Variants in PTER observed in about 807,000 individuals in gnomAD.
PTER encodes the protein N-acetyltaurine hydrolase.
A neutral mutation model predicts 29.6 loss-of-function variants in PTER; 38 were observed. That is an observed-to-expected ratio of 1.28 (90% confidence interval 0.99 to 1.68). The LOEUF (loss-of-function observed/expected upper bound fraction) is 1.68. PTER is among the 40% of genes most tolerant of loss of function. The pLI, the probability that PTER is intolerant of heterozygous loss-of-function variation, is 0.00. For synonymous variants in PTER, 172 were observed against 154.5 expected (o/e 1.11, Z -0.84); for missense variants, 482 against 427.8 (o/e 1.13, Z -1.12).
intron 3 of PTER, among the ~76,000 whole-genome samples, chr10:16,487,435 T>C (rs894820542): frequency 6.6e-6 from 1 of 152,248 alleles, no homozygotes; most frequent in South Asian, 2.1e-4. Flanking sequence ...TCTTCTCCTC[T>C]GTTTGTTACA....
At chr10:16,468,795 G>C (rs1215530495) in intron 1 of PTER, among the ~76,000 whole-genome samples, 1 of 142,878 alleles carries the variant, frequency 7.0e-6, no homozygotes, top group East Asian at 2.1e-4. Flanking sequence ...GCAACACAGG[G>C]AGACCCCTTT....
At chr10:16,447,101 CTTTT>C (rs71374690) in intron 1 of PTER, among the ~76,000 whole-genome samples, 3 of 124,614 alleles carry the variant, frequency 2.4e-5, no homozygotes, top group Non-Finnish European at 3.3e-5. Context: ...TTTTTCTTTT[CTTTT>C]TTTTTTTTTT....
chr10:16,452,939 G>A (rs371911571), intron 1 of PTER, among the ~76,000 whole-genome samples: 1 of 151,832 alleles, frequency 6.6e-6, no homozygotes, highest in Non-Finnish European at 1.5e-5. Flanking sequence ...TTTTAGAGAC[G>A]GAGTTTCACC....
chr10:16,507,201 C>CATATATAT (rs55959560), intron 4 of PTER, among the ~76,000 whole-genome samples: 3,354 of 140,332 alleles, frequency 0.024, 92 homozygotes, highest in African/African-American at 0.057. Context: ...GTGGGTGGAG[C>CATATATAT]ATATATATAT....
intron 1 of PTER, among the ~76,000 whole-genome samples, chr10:16,460,304 A>C (rs751769599): frequency 6.6e-6 from 1 of 152,148 alleles, no homozygotes; most frequent in Non-Finnish European, 1.5e-5. Flanking sequence ...ACTAATTTTG[A>C]TGTTCATAGT....
chr10:16,480,627 A>G (rs544500369), intron 1 of PTER, among the ~76,000 whole-genome samples: 1 of 152,328 alleles, frequency 6.6e-6, no homozygotes, highest in South Asian at 2.1e-4. Context: ...AGTTAAGAGA[A>G]GCTCTCCTCA....
At chr10:16,468,656 C>G (rs926611302) in intron 1 of PTER, among the ~76,000 whole-genome samples, 2 of 152,042 alleles carry the variant, frequency 1.3e-5, no homozygotes, top group African/African-American at 4.8e-5. Context: ...GCAACGAGCT[C>G]AAAGTCTGAT....
chr10:16,498,574 C>T (rs1836206253), intron 3 of PTER, among the ~76,000 whole-genome samples: 1 of 152,094 alleles, frequency 6.6e-6, no homozygotes, highest in African/African-American at 2.4e-5. Context: ...CGGAGCGAGA[C>T]TGTCTCAAAA....
chr10:16,481,136 G>A (rs540211409), intron 1 of PTER, among the ~76,000 whole-genome samples: 7 of 152,322 alleles, frequency 4.6e-5, no homozygotes, highest in Non-Finnish European at 8.8e-5. Flanking sequence ...CATTTGAAGT[G>A]CAACAGAACT....
chr10:16,493,232 C>T (rs772144938), intron 3 of PTER, among the ~76,000 whole-genome samples: 7 of 152,052 alleles, frequency 4.6e-5, no homozygotes, highest in Admixed American at 2.0e-4. Flanking sequence ...TCTGAATATT[C>T]GTGAATTAAC....
intron 1 of PTER, among the ~76,000 whole-genome samples, chr10:16,456,863 G>GGC (rs374886501): frequency 1.1e-3 from 55 of 49,944 alleles, no homozygotes; most frequent in African/African-American, 8.4e-3. Context: ...TGGGGAAGGT[G>GGC]GGGGGGGGTT....
chr10:16,516,268 C>G (rs1030798141), downstream of PTER, among the ~76,000 whole-genome samples: 1 of 152,078 alleles, frequency 6.6e-6, no homozygotes, highest in Non-Finnish European at 1.5e-5. Context: ...GTAAAGTGGT[C>G]CGTTTTGACC....
downstream of PTER, among the ~76,000 whole-genome samples, chr10:16,517,264 T>C (rs1455438533): frequency 6.6e-6 from 1 of 152,218 alleles, no homozygotes; most frequent in Non-Finnish European, 1.5e-5. Context: ...TTAGTCCGTA[T>C]TTCTTTAACC....
At chr10:16,495,699 C>T (rs1387283187) in intron 3 of PTER, among the ~76,000 whole-genome samples, 1 of 152,164 alleles carries the variant, frequency 6.6e-6, no homozygotes, top group Non-Finnish European at 1.5e-5. Flanking sequence ...GAGCTGCCCT[C>T]ACAGGCCCAC....
chr10:16,518,322 A>G (rs1172869374), downstream of PTER, among the ~76,000 whole-genome samples: 1 of 152,268 alleles, frequency 6.6e-6, no homozygotes, highest in Non-Finnish European at 1.5e-5. Flanking sequence ...GAACTAAAAA[A>G]AAATGTTTAC....
chr10:16,447,088 CT>C (rs1271826241), intron 1 of PTER, among the ~76,000 whole-genome samples: 1 of 141,186 alleles, frequency 7.1e-6, no homozygotes, highest in Admixed American at 7.5e-5. Context: ...CATACCCGGC[CT>C]TTTTTTCTTT....
At chr10:16,454,185 C>G (rs918448288) in intron 1 of PTER, among the ~76,000 whole-genome samples, 1 of 152,130 alleles carries the variant, frequency 6.6e-6, no homozygotes, top group Non-Finnish European at 1.5e-5. Flanking sequence ...CATGGTCAAC[C>G]AACTCCACTT....
chr10:16,441,236 A>G (rs17138613), intron 1 of PTER, among the ~76,000 whole-genome samples: 8,575 of 152,258 alleles, frequency 0.056, 410 homozygotes, highest in African/African-American at 0.13. Flanking sequence ...TGCACTTCCA[A>G]GTTTTCCAAT....
In PTER at chr10:16,486,588, C is replaced by T; in HGVS notation, c.669C>T (p.Ile223=). The T allele has an allele frequency of 6.2e-7, 1 of 1,613,728 alleles. No homozygotes were observed. Among genetic ancestry groups the T allele is most frequent in the Non-Finnish European group, 8.5e-7 (1 of 1,179,746 alleles). The change falls in exon 3 of 5, where the codon ATC becomes ATT. Residue 223 remains isoleucine (I), a synonymous_variant. Transcript: ENST00000535784. Reference sequence around the variant, plus strand: ...TATTGCAAGAAGCAGGCGCAGACATCTCCAAAACAGTCATGTCACACCTGG... The same window carrying T: ...TATTGCAAGAAGCAGGCGCAGACATTTCCAAAACAGTCATGTCACACCTGG... ...IRILQEAGAD[I]SKTVMSHLDR... is the part of the protein sequence containing the mutation.
Sources: gnomAD v4.1 joint callset for allele counts (sites outside exome capture counted in the v4.1 genomes callset) on GRCh38, gnomAD v4.1.1 for gene constraint, MANE v1.5 for transcripts, NCBI Gene and HGNC (gene_info 2026-07-23, HGNC 2026-07-21) for gene names.